CST9: variants seen among roughly 807,000 people sequenced by gnomAD.
The protein encoded by CST9 is cystatin-9.
In CST9, 11 loss-of-function variants were observed where a neutral mutation model predicts 7.7. The ratio of observed to expected loss-of-function variants is 1.44; its 90% CI spans 0.90 to 2.38. CST9 has a LOEUF of 2.38. Ranked by LOEUF, CST9 falls within the 30% of genes most tolerant of loss-of-function variation. The pLI, the probability that CST9 is intolerant of heterozygous loss-of-function variation, is 0.00. For missense variants in CST9, 214 were observed against 199.1 expected, an observed-to-expected ratio of 1.07 and a Z score of -0.45; for synonymous variants, 71 against 74.3, an observed-to-expected ratio of 0.96 and a Z score of 0.23.
rs1046513196 is a variant in CST9, at chr20:23,603,427, G to C, written c.*83C>G. 12 of 1,525,506 alleles carry C rather than the reference G, an allele frequency of 7.9e-6. No homozygotes were observed. The African/African-American group carries it at 1.7e-4, about 21-fold the overall frequency. 94.5% of individuals were successfully genotyped at this position (1,525,506 alleles called of 1,614,324 possible). A position where few individuals can be genotyped will look rare whatever the true frequency, so the allele number is the denominator to read the frequency against. ...GGAAACTCAGATTGGCCAGGGGCCT[G>C]AAAGTGAACCCCTGGGCTTAATGCC... is the stretch of plus-strand genomic sequence containing the variant. On this transcript the variant is annotated 3_prime_UTR_variant, in exon 2 of 2. Coordinates refer to ENST00000376971, the MANE Select transcript of CST9 (RefSeq NM_001008693.3).
intron 1 of CST9, 107 bp downstream of exon 1, chr20:23,605,503 G>T: frequency 7.7e-7 from 1 of 1,294,804 alleles, no homozygotes; most frequent in Non-Finnish European, 1.1e-6. Context: ...TGGACTACCT[G>T]ACTATGGACT....
chr20:23,605,434 A>C (rs1978733903), intron 1 of CST9, among the ~76,000 whole-genome samples, 176 bp downstream of exon 1: 1 of 152,224 alleles, frequency 6.6e-6, no homozygotes. Flanking sequence ...ACATTTACCT[A>C]ATTTAAAAAA....
chr20:23,603,545 C>T lies in CST9; in HGVS notation c.445G>A (p.Ala149Thr), dbSNP rs200359394. The change falls in exon 2 of 2, where the codon GCT becomes ACT. Residue 149 changes from alanine (A) to threonine (T), a missense_variant. Physicochemically the swap from Ala to Thr is moderately conservative, Grantham distance 58. Coordinates refer to ENST00000376971, the MANE Select transcript of CST9 (RefSeq NM_001008693.3). ...TTGTCCCTCGGAATGGCTTTGTCAG[C>T]TGCTCCTGTGCCCACACCACACCCC... ...CMGCGVGTGAADKAIPRDKGK is the reference protein window; with the variant it reads ...CMGCGVGTGATDKAIPRDKGK The T allele has an allele frequency of 1.7e-5, 28 of 1,614,214 alleles. No homozygotes were observed. The highest frequency in any genetic ancestry group is 7.7e-5 in the South Asian group (7 of 91,082).
In CST9 at chr20:23,603,749, A is replaced by C. The variant is rs1978685535; in HGVS notation, c.256-15T>G. 3.7e-6 allele frequency: 6 copies of C among 1,613,642 alleles called. No individual in the cohort carries two copies. Among genetic ancestry groups the C allele is most frequent in the Non-Finnish European group, 5.1e-6 (6 of 1,179,842 alleles). On this transcript the variant is annotated splice_polypyrimidine_tract_variant and intron_variant, in intron 1 of 1. Coordinates refer to ENST00000376971, the MANE Select transcript of CST9 (RefSeq NM_001008693.3). ...TTACCTCGCCACTGTTGGACAAAAGAAGATTAAAGTGGATGCACCGTCTTC... is the reference window on the plus strand; with the variant it reads ...TTACCTCGCCACTGTTGGACAAAAGCAGATTAAAGTGGATGCACCGTCTTC...
At position 23,602,592 on chromosome 20, in the gene CST9, C is replaced by T. The variant is rs1004589494; in HGVS notation, c.*918G>A. The T allele has an allele frequency of 3.4e-6, 2 of 591,288 alleles. No homozygotes were observed. Among genetic ancestry groups the T allele is most frequent in the African/African-American group, 2.0e-5 (1 of 49,756 alleles). 36.6% of individuals were successfully genotyped at this position (591,288 alleles called of 1,614,324 possible). ...CAGCTGGTGTCCACGGGGGAGGGGG[C>T]AGCATGTGGCCAGGCATGTGAGTGG... On this transcript the variant is annotated 3_prime_UTR_variant, in exon 2 of 2. Transcript: ENST00000376971.
In CST9 at chr20:23,603,577, C is replaced by T. The variant is rs1978677769; in HGVS notation, c.413G>A (p.Cys138Tyr). Reference sequence around the variant, plus strand: ...TGTGCCCACACCACACCCCATGCAGCATCCACAGCTGTGGACCTGAGGAAA... The same window carrying T: ...TGTGCCCACACCACACCCCATGCAGTATCCACAGCTGTGGACCTGAGGAAA... ...ISFPQVHSCG[C>Y]CMGCGVGTGA... Residue 138 changes from cysteine (C) to tyrosine (Y), a missense_variant, in exon 2 of 2, where the codon TGC becomes TAC. Cys to Tyr is a radical substitution (Grantham distance 194). Coordinates refer to ENST00000376971, the MANE Select transcript of CST9 (RefSeq NM_001008693.3). The T allele has an allele frequency of 6.2e-7, 1 of 1,614,090 alleles. No individual in the cohort carries two copies. The highest frequency in any genetic ancestry group is 1.3e-5 in the African/African-American group (1 of 74,930).
In CST9 at chr20:23,603,227, G is replaced by T; in HGVS notation, c.*283C>A. The T allele has an allele frequency of 3.9e-6, 5 of 1,286,742 alleles. No homozygotes were observed. In the South Asian group the frequency reaches 8.8e-5, roughly 23 times the overall value. 79.7% of individuals were successfully genotyped at this position (1,286,742 alleles called of 1,614,324 possible). Reference sequence around the variant, plus strand: ...TCTTCTCAGCCTCCACCACTTTTGGGTCTAGGGCAGGGTAGGGAAACCCTG... The same window carrying T: ...TCTTCTCAGCCTCCACCACTTTTGGTTCTAGGGCAGGGTAGGGAAACCCTG... On this transcript the variant is annotated 3_prime_UTR_variant, in exon 2 of 2. Coordinates refer to ENST00000376971, the MANE Select transcript of CST9 (RefSeq NM_001008693.3).
intron 1 of CST9, among the ~76,000 whole-genome samples, chr20:23,604,380 A>T (rs1978705407): frequency 6.6e-6 from 1 of 152,054 alleles, no homozygotes; most frequent in African/African-American, 2.4e-5. Flanking sequence ...CCAGCCCCCA[A>T]ACTGATGCTG....
rs754060890 is a variant in CST9 at position 23,603,243 on chromosome 20, G to T, written c.*267C>A. On this transcript the variant is annotated 3_prime_UTR_variant, in exon 2 of 2. Coordinates refer to ENST00000376971, the MANE Select transcript of CST9 (RefSeq NM_001008693.3). ...CACTTTTGGGTCTAGGGCAGGGTAG[G>T]GAAACCCTGAGAAAAGTACCCACAG... is the stretch of plus-strand genomic sequence containing the variant. 8.1e-5 allele frequency: 108 copies of T among 1,326,896 alleles called. No homozygotes were observed. Among genetic ancestry groups the T allele is most frequent in the Non-Finnish European group, 1.0e-4 (105 of 1,034,386 alleles). 82.2% of individuals were successfully genotyped at this position (1,326,896 alleles called of 1,614,324 possible). A position where few individuals can be genotyped will look rare whatever the true frequency, so the allele number is the denominator to read the frequency against.
Position 23,603,152 on chromosome 20 carries a change from A to G in CST9, c.*358T>C, listed in dbSNP as rs1254393078. ...AGGCTTTGCTTGGAGCTCGTCCCCT[A>G]GAGCAGGTGCTGCAGCTCAGCAGGG... On this transcript the variant is annotated 3_prime_UTR_variant, in exon 2 of 2. Coordinates refer to ENST00000376971, the MANE Select transcript of CST9 (RefSeq NM_001008693.3). The G allele has an allele frequency of 4.6e-6, 5 of 1,080,392 alleles. No individual in the cohort carries two copies. Among genetic ancestry groups the G allele is most frequent in the Non-Finnish European group, 4.5e-6 (4 of 891,038 alleles). 66.9% of individuals were successfully genotyped at this position (1,080,392 alleles called of 1,614,324 possible). A position where few individuals can be genotyped will look rare whatever the true frequency, so the allele number is the denominator to read the frequency against.
At chr20:23,603,815 G>C in intron 1 of CST9, 81 bp from the exon 2 acceptor site, 1 of 1,405,552 alleles carries the variant, frequency 7.1e-7, no homozygotes, top group Non-Finnish European at 9.9e-7. Context: ...CATTTGAGTA[G>C]GAGAGGCCCC....
Position 23,602,773 on chromosome 20 carries a change from G to T in CST9, c.*737C>A. The T allele has an allele frequency of 1.0e-6, 1 of 985,600 alleles. No homozygotes were observed. Among genetic ancestry groups the T allele is most frequent in the Non-Finnish European group, 1.2e-6 (1 of 830,078 alleles). The allele number at this position is 985,600 out of a possible 1,614,324, so 61.1% of individuals were successfully genotyped here. A position where few individuals can be genotyped will look rare whatever the true frequency, so the allele number is the denominator to read the frequency against. On this transcript the variant is annotated 3_prime_UTR_variant, in exon 2 of 2. Coordinates refer to ENST00000376971, the MANE Select transcript of CST9 (RefSeq NM_001008693.3). ...GGGTTTGGGGAGGTTCGGGAATCTTGTGGCATCTGCCCTCAACACAGGTTC... is the reference window on the plus strand; with the variant it reads ...GGGTTTGGGGAGGTTCGGGAATCTTTTGGCATCTGCCCTCAACACAGGTTC...
rs185462651 is a variant in CST9, at chr20:23,605,168, G to C, written c.255+442C>G. Among the ~76,000 whole-genome samples, 4 of 151,674 alleles carry C rather than the reference G, an allele frequency of 2.6e-5. No homozygotes were observed. The East Asian group carries it at 5.8e-4, about 22-fold the overall frequency. ...CTCGAATTCTCACTGTTCTCTCTCT[G>C]TCTGCCTGTCTCTCTCTCTCTCTGT... On this transcript the variant is annotated intron_variant, in intron 1 of 1. Coordinates refer to ENST00000376971, the MANE Select transcript of CST9 (RefSeq NM_001008693.3).
In CST9 at chr20:23,605,900, A is replaced by G; in HGVS notation, c.-36T>C. 1.9e-6 allele frequency: 3 copies of G among 1,610,108 alleles called. No individual in the cohort carries two copies. Among genetic ancestry groups the G allele is most frequent in the Non-Finnish European group, 2.5e-6 (3 of 1,178,280 alleles). On this transcript the variant is annotated 5_prime_UTR_variant, in exon 1 of 2. Coordinates refer to ENST00000376971, the MANE Select transcript of CST9 (RefSeq NM_001008693.3). ...CCAGCAGCCCTTGCCTTTGCCCTTC[A>G]GATCCCTGGCGTCCACTGGAGCCTT...
At position 23,605,757 on chromosome 20, in the gene CST9, AC is replaced by A. The variant is rs1320040968; in HGVS notation, c.107del (p.Gly36ValfsTer6). On this transcript the variant is annotated frameshift_variant, in exon 1 of 2. Coordinates refer to ENST00000376971, the MANE Select transcript of CST9 (RefSeq NM_001008693.3). LOFTEE classifies it high-confidence loss of function. The stretch of plus-strand genomic sequence containing the variant: ...GATCCTGGACTATTTTATTATTACC[AC>A]CCATTTCCTCTTCAGAACACCAGGC... ...TYAWCSEEEM[G>X]GNNKIVQDPM... 1 of 1,614,120 alleles carries A rather than the reference AC, an allele frequency of 6.2e-7. No individual in the cohort carries two copies. The highest frequency in any genetic ancestry group is 1.1e-5 in the South Asian group (1 of 91,082).
rs924953606 is a variant in CST9, at chr20:23,603,294, C to CT, written c.*215dup. 2.6e-5 allele frequency: 37 copies of CT among 1,419,514 alleles called. No individual in the cohort carries two copies. The highest frequency in any genetic ancestry group is 1.5e-5 in the South Asian group (1 of 65,342). 87.9% of individuals were successfully genotyped at this position (1,419,514 alleles called of 1,614,324 possible). A position where few individuals can be genotyped will look rare whatever the true frequency, so the allele number is the denominator to read the frequency against. ...ACATTGTCACCATTGTCTCCAGGCT[C>CT]TTTCTCTAGAAGGCAGGGAAGAAGT... On this transcript the variant is annotated 3_prime_UTR_variant, in exon 2 of 2. Transcript: ENST00000376971.
chr20:23,603,779 C>A, intron 1 of CST9, 45 bp from the exon 2 acceptor site: 1 of 1,584,572 alleles, frequency 6.3e-7, no homozygotes, highest in Non-Finnish European at 8.6e-7. Context: ...GTCTTCCTGC[C>A]CCTAAGTAGC....
chr20:23,602,583 G>T lies in CST9; in HGVS notation c.*927C>A. On this transcript the variant is annotated 3_prime_UTR_variant, in exon 2 of 2. Transcript: ENST00000376971. ...TCCTGGGAACAGCTGGTGTCCACGG[G>T]GGAGGGGGCAGCATGTGGCCAGGCA... 2.1e-6 allele frequency: 1 copy of T among 487,140 alleles called. No homozygotes were observed. The highest frequency in any genetic ancestry group is 2.7e-6 in the Non-Finnish European group (1 of 374,628). The allele number at this position is 487,140 out of a possible 1,614,324, so 30.2% of individuals were successfully genotyped here.
intron 1 of CST9, among the ~76,000 whole-genome samples, chr20:23,605,342 G>A (rs1336542982): frequency 6.6e-6 from 1 of 152,000 alleles, no homozygotes; most frequent in African/African-American, 2.4e-5. Flanking sequence ...CTCCTTAGAA[G>A]TCCTTATTTT....
Sources: gnomAD v4.1 joint callset for allele counts (sites outside exome capture counted in the v4.1 genomes callset) on GRCh38, gnomAD v4.1.1 for gene constraint, MANE v1.5 for transcripts, NCBI Gene and HGNC (gene_info 2026-07-23, HGNC 2026-07-21) for gene names.